The following DCC variants were observed in gnomAD, a reference collection of about 807,000 sequenced individuals.
DCC encodes DCC netrin 1 receptor.
A neutral mutation model predicts 172.5 loss-of-function variants in DCC; 58 were observed. That is an observed-to-expected ratio of 0.34 (90% confidence interval 0.27 to 0.42). DCC has a LOEUF of 0.42. DCC is among the 10% of genes least tolerant of loss of function. The pLI, the probability that DCC is intolerant of heterozygous loss-of-function variation, is 1.00. For synonymous variants in DCC, 709 were observed against 644.5 expected (o/e 1.10, Z -1.52); for missense variants, 1,740 against 1,791.0 (o/e 0.97, Z 0.51).
chr18:52,731,539 T>C (rs961818741), intron 1 of DCC, among the ~76,000 whole-genome samples: 2 of 152,106 alleles, frequency 1.3e-5, no homozygotes, highest in Non-Finnish European at 2.9e-5. Context: ...AGCCAAAGAG[T>C]ATTTTCTCTT....
chr18:53,009,907 A>G (rs2041704447), intron 5 of DCC, among the ~76,000 whole-genome samples: 1 of 151,902 alleles, frequency 6.6e-6, no homozygotes. Context: ...CTTGAACTAT[A>G]TTGTTGAATA....
At chr18:53,321,090 C>T (rs1348628507) in intron 13 of DCC, among the ~76,000 whole-genome samples, 3 of 152,124 alleles carry the variant, frequency 2.0e-5, no homozygotes, top group African/African-American at 7.2e-5. Flanking sequence ...TATTCATCTT[C>T]CTATGCAAAA....
At chr18:52,673,814 G>A (rs570124499) in intron 1 of DCC, among the ~76,000 whole-genome samples, 4 of 152,214 alleles carry the variant, frequency 2.6e-5, no homozygotes, top group East Asian at 1.9e-4. Flanking sequence ...GACCATGATG[G>A]GGTAAACTCT....
intron 12 of DCC, among the ~76,000 whole-genome samples, chr18:53,304,363 C>CT (rs947786960): frequency 1.1e-4 from 17 of 151,192 alleles, no homozygotes; most frequent in South Asian, 4.2e-4. Context: ...GATATGACTG[C>CT]TTTTTTTTTC....
intron 1 of DCC, among the ~76,000 whole-genome samples, chr18:52,661,212 G>A (rs1201068291): frequency 1.3e-5 from 2 of 152,186 alleles, no homozygotes; most frequent in African/African-American, 2.4e-5. Context: ...CAAGAATTGA[G>A]GCAATGGGTC....
Position 52,774,859 on chromosome 18 carries a change from C to T in DCC, c.412+22485C>T, listed in dbSNP as rs143642310. Among the ~76,000 whole-genome samples the T allele has an allele frequency of 1.5e-3, 233 of 152,328 alleles. No individual in the cohort carries two copies. In the East Asian group the frequency reaches 0.021, roughly 14 times the overall value. On this transcript the variant is annotated intron_variant, in intron 2 of 28. Coordinates refer to ENST00000442544, the MANE Select transcript of DCC (RefSeq NM_005215.4). The stretch of plus-strand genomic sequence containing the variant: ...TAGTTAGTGTGATTTACACCTTCGG[C>T]AGCTGAGCCAAATCCTCACTTTACT...
chr18:52,896,702 C>T (rs1473856695), intron 2 of DCC, among the ~76,000 whole-genome samples: 1 of 152,102 alleles, frequency 6.6e-6, no homozygotes, highest in Non-Finnish European at 1.5e-5. Flanking sequence ...CCCAAAACTG[C>T]CTCTGTTGGC....
chr18:52,819,233 A>T (rs1378092885), intron 2 of DCC, among the ~76,000 whole-genome samples: 2 of 152,218 alleles, frequency 1.3e-5, no homozygotes, highest in African/African-American at 4.8e-5. Context: ...TCCTCTTCCC[A>T]AATTAATCTT....
chr18:53,505,124 T>A (rs1370355890), intron 27 of DCC: 1 of 152,206 alleles, frequency 6.6e-6, no homozygotes, highest in Non-Finnish European at 1.5e-5. Flanking sequence ...GTAAACATTT[T>A]ATTCCTTTAT....
At chr18:53,452,153 T>G (rs2045422600) in intron 23 of DCC, among the ~76,000 whole-genome samples, 1 of 152,180 alleles carries the variant, frequency 6.6e-6, no homozygotes, top group African/African-American at 2.4e-5. Flanking sequence ...GAACAATCTC[T>G]TGGTGCTGTG....
chr18:52,621,485 C>A (rs1463394023), intron 1 of DCC, among the ~76,000 whole-genome samples: 2 of 152,184 alleles, frequency 1.3e-5, no homozygotes, highest in African/African-American at 2.4e-5. Flanking sequence ...TTACTCATTG[C>A]ACCTCATTCC....
At chr18:53,251,730 T>G (rs1332112080) in intron 12 of DCC, among the ~76,000 whole-genome samples, 4 of 152,012 alleles carry the variant, frequency 2.6e-5, no homozygotes, top group East Asian at 1.9e-4. Flanking sequence ...TGGCCAATAA[T>G]AAGAAGAATA....
chr18:52,591,527 T>C (rs1398236849), intron 1 of DCC, among the ~76,000 whole-genome samples: 2 of 152,058 alleles, frequency 1.3e-5, no homozygotes, highest in African/African-American at 4.8e-5. Context: ...GACCAGTTAT[T>C]CCTTAATATA....
At position 53,300,602 on chromosome 18, in the gene DCC, A is replaced by G. The variant is rs374655328; in HGVS notation, c.1912-4976A>G. Among the ~76,000 whole-genome samples, 143 of 152,288 alleles carry G rather than the reference A, an allele frequency of 9.4e-4. 1 individual carries two copies. Among genetic ancestry groups the G allele is most frequent in the African/African-American group, 3.1e-3 (127 of 41,552 alleles). On this transcript the variant is annotated intron_variant, in intron 12 of 28. Transcript: ENST00000442544. ...ATCATTAAATAGAAACACACATAAAACAAGGTTGGGTACCCATCAGTTGAC... is the reference window on the plus strand; with the variant it reads ...ATCATTAAATAGAAACACACATAAAGCAAGGTTGGGTACCCATCAGTTGAC...
chr18:52,394,502 C>G (rs1430885510), intron 1 of DCC, among the ~76,000 whole-genome samples: 1 of 151,516 alleles, frequency 6.6e-6, no homozygotes, highest in Non-Finnish European at 1.5e-5. Flanking sequence ...GTTTCCAACT[C>G]CTGGTCTCAG....
intron 1 of DCC, among the ~76,000 whole-genome samples, chr18:52,730,583 A>G (rs2036623603): frequency 1.3e-5 from 2 of 152,170 alleles, no homozygotes; most frequent in Middle Eastern, 3.2e-3. Context: ...CTTGTTTTCT[A>G]TAGTTAACGA....
chr18:52,808,614 A>G (rs2038133490), intron 2 of DCC, among the ~76,000 whole-genome samples: 1 of 152,232 alleles, frequency 6.6e-6, no homozygotes, highest in African/African-American at 2.4e-5. Context: ...ATGATGGAGA[A>G]CACTGTTCCA....
chr18:52,892,256 A>G (rs561614780), intron 2 of DCC, among the ~76,000 whole-genome samples: 5 of 152,264 alleles, frequency 3.3e-5, no homozygotes, highest in South Asian at 2.1e-4. Flanking sequence ...TAAAAACTGC[A>G]TAAGTACCCT....
chr18:53,347,323 A>C (rs1456587197), intron 15 of DCC, among the ~76,000 whole-genome samples: 1 of 152,170 alleles, frequency 6.6e-6, no homozygotes, highest in Non-Finnish European at 1.5e-5. Flanking sequence ...TAAAATACTC[A>C]GACCTCATAT....
Sources: gnomAD v4.1 joint callset for allele counts (sites outside exome capture counted in the v4.1 genomes callset) on GRCh38, gnomAD v4.1.1 for gene constraint, MANE v1.5 for transcripts, NCBI Gene and HGNC (gene_info 2026-07-23, HGNC 2026-07-21) for gene names.